THNSL1: variants seen among roughly 807,000 people sequenced by gnomAD.
The protein encoded by THNSL1 is threonine synthase-like 1.
A neutral mutation model predicts 50.4 loss-of-function variants in THNSL1; 48 were observed. The observed-to-expected ratio is 0.95, with a 90% CI of 0.76 to 1.21. The LOEUF is 1.21. Among genes scored for constraint, THNSL1 ranks in the 50% most tolerant of loss-of-function variants. The pLI is 0.00. For missense variants in THNSL1, 896 were observed against 871.7 expected, an observed-to-expected ratio of 1.03 and a Z score of -0.35; for synonymous variants, 309 against 306.1, an observed-to-expected ratio of 1.01 and a Z score of -0.10.
the THNSL1 span, among the ~76,000 whole-genome samples, chr10:25,001,064 G>A: frequency 6.6e-6 from 1 of 151,868 alleles, no homozygotes; most frequent in Non-Finnish European, 1.5e-5. Context: ...ATAAATAATT[G>A]TGATTATGTT....
the THNSL1 span, among the ~76,000 whole-genome samples, chr10:24,988,242 A>T: frequency 4.7e-4 from 68 of 145,052 alleles, no homozygotes; most frequent in Admixed American, 3.9e-3. Flanking sequence ...ATGTATATAT[A>T]TATATATATG....
chr10:25,017,115 T>C (rs565432215), intron 1 of THNSL1, among the ~76,000 whole-genome samples: 1 of 152,340 alleles, frequency 6.6e-6, no homozygotes, highest in East Asian at 1.9e-4. Flanking sequence ...CTCTAGGTCG[T>C]TCTCCAGGAA....
rs528979876 is a variant in THNSL1, at chr10:25,024,575, C to G, written c.1352C>G (p.Ser451Cys). The G allele has an allele frequency of 1.6e-5, 26 of 1,614,062 alleles. No individual in the cohort carries two copies. In the South Asian group the frequency reaches 2.4e-4, roughly 15 times the overall value. ...QTAIKRIFND[S>C]DFTGFLTVEY... The stretch of plus-strand genomic sequence containing the variant: ...GCTATAAAAAGAATTTTTAATGATT[C>G]TGATTTTACTGGCTTTCTTACTGTG... The change falls in exon 3 of 3, where the codon TCT (serine) becomes TGT (cysteine). Residue 451 changes from serine to cysteine, a missense_variant. Coordinates refer to ENST00000376356, the MANE Select transcript of THNSL1 (RefSeq NM_024838.5).
At chr10:24,991,871 C>A in the THNSL1 span, among the ~76,000 whole-genome samples, 1 of 152,186 alleles carries the variant, frequency 6.6e-6, no homozygotes, top group South Asian at 2.1e-4. Flanking sequence ...ACGCCCACTG[C>A]GGCTTCAGGA....
chr10:24,955,079 G>A, the THNSL1 span, among the ~76,000 whole-genome samples: 1 of 152,174 alleles, frequency 6.6e-6, no homozygotes, highest in Admixed American at 6.5e-5. Flanking sequence ...AGGCTGGGAG[G>A]CCTCAGGAAA....
chr10:24,969,877 C>G, the THNSL1 span, among the ~76,000 whole-genome samples: 1 of 152,168 alleles, frequency 6.6e-6, no homozygotes, highest in Non-Finnish European at 1.5e-5. Context: ...TTTTGCATAG[C>G]AACATCCCAA....
At chr10:24,960,116 G>A in the THNSL1 span, among the ~76,000 whole-genome samples, 1 of 148,724 alleles carries the variant, frequency 6.7e-6, no homozygotes, top group African/African-American at 2.5e-5. Flanking sequence ...CTTCTGAATA[G>A]CAAGAGAGAT....
At chr10:25,010,892 C>A in the THNSL1 span, among the ~76,000 whole-genome samples, 21 of 151,620 alleles carry the variant, frequency 1.4e-4, no homozygotes, top group Non-Finnish European at 3.1e-4. Context: ...GTGAATAGTG[C>A]CACAATAAAC....
chr10:24,952,842 C>T, the THNSL1 span, among the ~76,000 whole-genome samples: 9 of 151,778 alleles, frequency 5.9e-5, no homozygotes, highest in South Asian at 1.9e-3. This position sits in a 1 kb window ranked among gnomAD's most constrained non-coding sequence, Gnocchi z 5.1. Context: ...TGAGCGCGGG[C>T]CCCGGACGCG....
intron 1 of THNSL1, among the ~76,000 whole-genome samples, chr10:25,017,937 A>C (rs1850640897): frequency 6.6e-6 from 1 of 152,216 alleles, no homozygotes; most frequent in Non-Finnish European, 1.5e-5. Context: ...CACTGGCTAA[A>C]GCTTATGAAT....
the THNSL1 span, among the ~76,000 whole-genome samples, chr10:24,966,428 G>T: frequency 1.1e-4 from 16 of 152,338 alleles, no homozygotes; most frequent in Non-Finnish European, 2.1e-4. Context: ...CTTTCTCCCA[G>T]TGCTGTGGGC....
rs758361501 is a variant in THNSL1 at position 25,025,000 on chromosome 10, C to T, written c.1777C>T (p.Arg593Ter). ...ACAGCTAATGACAGAATTATTTAAT[C>T]GATTAGAAAGTCAGCATCATTTCCA... Reference protein sequence around the residue: ...DGQLMTELFNRLESQHHFQIE... With the variant: ...DGQLMTELFN The change falls in exon 3 of 3, where the codon CGA becomes TGA. Residue 593 changes from arginine (R) to a stop codon, truncating the protein, a stop_gained. Transcript: ENST00000376356. LOFTEE classifies it high-confidence loss of function. 5.0e-6 allele frequency: 8 copies of T among 1,614,132 alleles called. No homozygotes were observed. Among genetic ancestry groups the T allele is most frequent in the Admixed American group, 3.3e-5 (2 of 60,014 alleles).
At chr10:24,977,224 T>C in the THNSL1 span, among the ~76,000 whole-genome samples, 81 of 152,336 alleles carry the variant, frequency 5.3e-4, no homozygotes, top group African/African-American at 1.9e-3. Flanking sequence ...GTCAAATAGG[T>C]GTAATTCTTC....
Position 25,025,461 on chromosome 10 carries a change from T to A in THNSL1, c.*6T>A. 6.3e-7 allele frequency: 1 copy of A among 1,587,360 alleles called. No individual in the cohort carries two copies. The highest frequency in any genetic ancestry group is 8.5e-7 in the Non-Finnish European group (1 of 1,169,968). On this transcript the variant is annotated 3_prime_UTR_variant, in exon 3 of 3. Transcript: ENST00000376356. Reference sequence around the variant, plus strand: ...TCCAAAATCAATTCATATGAAAGCTTTCAGAGTAAATTTTTTTTTCTAGCT... The same window carrying A: ...TCCAAAATCAATTCATATGAAAGCTATCAGAGTAAATTTTTTTTTCTAGCT...
At chr10:24,964,152 C>A in the THNSL1 span, among the ~76,000 whole-genome samples, 1 of 152,350 alleles carries the variant, frequency 6.6e-6, no homozygotes, top group Admixed American at 6.5e-5. Context: ...TCAACAATGT[C>A]TTCAGAAAGT....
At chr10:24,980,257 C>T in the THNSL1 span, among the ~76,000 whole-genome samples, 11 of 152,244 alleles carry the variant, frequency 7.2e-5, no homozygotes, top group African/African-American at 2.6e-4. Flanking sequence ...CCCATGGATG[C>T]CTTGCCTATC....
the THNSL1 span, among the ~76,000 whole-genome samples, chr10:24,978,885 A>G: frequency 2.6e-5 from 4 of 152,234 alleles, no homozygotes; most frequent in African/African-American, 9.6e-5. Flanking sequence ...TGTATTACAG[A>G]TAAGGAAAAT....
At chr10:24,972,594 C>T in the THNSL1 span, among the ~76,000 whole-genome samples, 1 of 151,900 alleles carries the variant, frequency 6.6e-6, no homozygotes. Flanking sequence ...CAGAAAGATG[C>T]CAAAACTGAG....
chr10:24,957,910 G>A, the THNSL1 span, among the ~76,000 whole-genome samples: 3 of 152,262 alleles, frequency 2.0e-5, no homozygotes, highest in African/African-American at 7.2e-5. Flanking sequence ...CCACTACCAT[G>A]GTGAAAACAC....
Sources: allele counts gnomAD v4.1 joint callset (sites outside exome capture counted in the v4.1 genomes callset), GRCh38; gene constraint gnomAD v4.1.1; non-coding constraint Gnocchi (gnomAD v3.1); transcripts MANE v1.5; gene names NCBI Gene and HGNC (gene_info 2026-07-23, HGNC 2026-07-21).